COL6A3: variants seen among roughly 807,000 people sequenced by gnomAD.
COL6A3 encodes the protein collagen type VI alpha 3 chain, also known as collagen alpha-3(VI) chain.
In COL6A3, 137 loss-of-function variants were observed where a neutral mutation model predicts 274.1. The observed-to-expected ratio is 0.50, with a 90% confidence interval of 0.44 to 0.58. The LOEUF (loss-of-function observed/expected upper bound fraction) is 0.58, where lower values mean the gene tolerates loss of function less well. COL6A3 is among the 20% of genes least tolerant of loss of function. The pLI is 0.00. For synonymous variants in COL6A3, 1,650 were observed against 1,650.6 expected (o/e 1.00, Z 0.01); for missense variants, 3,950 against 4,124.9 (o/e 0.96, Z 1.16).
At chr2:237,405,417 A>T (rs1308703349) in intron 1 of COL6A3, among the ~76,000 whole-genome samples, 1 of 152,168 alleles carries the variant, frequency 6.6e-6, no homozygotes, top group East Asian at 1.9e-4. Context: ...TTATTAAAAG[A>T]TGTCAAACAC....
At chr2:237,401,138 C>T (rs914202100) in intron 1 of COL6A3, among the ~76,000 whole-genome samples, 8 of 152,278 alleles carry the variant, frequency 5.3e-5, no homozygotes, top group Non-Finnish European at 5.9e-5. Context: ...CTTTGAGCTT[C>T]AACAAAGCTA....
At chr2:237,393,904 C>T (rs77304032) in intron 3 of COL6A3, among the ~76,000 whole-genome samples, 1,845 of 152,278 alleles carry the variant, frequency 0.012, 65 homozygotes, top group Admixed American at 0.059. Flanking sequence ...TGGTTCTCAT[C>T]AACTCCATTA....
intron 36 of COL6A3, chr2:237,342,615 G>GATT: frequency 5.8e-6 from 1 of 172,974 alleles, no homozygotes. Context: ...TGGGTGCAAA[G>GATT]AGTCCTGTCT....
chr2:237,339,178 T>C, intron 38 of COL6A3, 61 bp from the exon 39 acceptor site: 1 of 1,213,144 alleles, frequency 8.2e-7, no homozygotes, highest in Admixed American at 1.7e-5. Context: ...AAATTAAAAT[T>C]AATCTGTCAA....
intron 22 of COL6A3, 49 bp downstream of exon 22, chr2:237,357,768 T>G: frequency 1.3e-6 from 2 of 1,591,094 alleles, no homozygotes; most frequent in Non-Finnish European, 1.7e-6. Context: ...AGTGTGTCCT[T>G]TCTCTTGCCC....
intron 40 of COL6A3, 57 bp downstream of exon 40, chr2:237,336,078 C>G: frequency 3.7e-6 from 6 of 1,605,348 alleles, no homozygotes; most frequent in Non-Finnish European, 5.1e-6. Flanking sequence ...AGGAACACAC[C>G]CTGGAGCAGG....
At chr2:237,349,649 G>A (rs2077165895) in intron 28 of COL6A3, among the ~76,000 whole-genome samples, 1 of 152,168 alleles carries the variant, frequency 6.6e-6, no homozygotes, top group Non-Finnish European at 1.5e-5. Flanking sequence ...CAAAATTATT[G>A]TTGGTGAGTT....
At chr2:237,355,026 T>A (rs2077288903) in intron 23 of COL6A3, 92 bp from the exon 24 acceptor site, 1 of 1,211,858 alleles carries the variant, frequency 8.3e-7, no homozygotes, top group Non-Finnish European at 1.2e-6. Context: ...CCTCTTATTC[T>A]GCGGTTACTC....
chr2:237,337,304 A>T (rs762306921), intron 39 of COL6A3, among the ~76,000 whole-genome samples: 8 of 152,194 alleles, frequency 5.3e-5, no homozygotes, highest in Non-Finnish European at 1.2e-4. Flanking sequence ...GGTTGAGCCA[A>T]TTTCAGGGAA....
chr2:237,407,639 T>C lies in COL6A3; in HGVS notation c.-31+6314A>G, dbSNP rs1461147493. ...AGAAACTCCAGATTAATTACCCAGATATTTGAAAAAATTACTTTAAAACAT... is the reference window on the plus strand; with the variant it reads ...AGAAACTCCAGATTAATTACCCAGACATTTGAAAAAATTACTTTAAAACAT... On this transcript the variant is annotated intron_variant, in intron 1 of 43. Coordinates refer to ENST00000295550, the MANE Select transcript of COL6A3 (RefSeq NM_004369.4). The surrounding 1 kb of genome is among the most constrained non-coding windows in gnomAD (Gnocchi z 4.3). Among the ~76,000 whole-genome samples, 4 of 152,256 alleles carry C rather than the reference T, an allele frequency of 2.6e-5. No individual in the cohort carries two copies. Among genetic ancestry groups the C allele is most frequent in the African/African-American group, 9.6e-5 (4 of 41,472 alleles).
At chr2:237,353,266 T>C in intron 25 of COL6A3, 75 bp downstream of exon 25, 4 of 1,447,264 alleles carry the variant, frequency 2.8e-6, no homozygotes, top group Non-Finnish European at 3.9e-6. Context: ...TTTCCGGATA[T>C]AAATGCCACC....
At position 237,350,295 on chromosome 2, in the gene COL6A3, G is replaced by T. The variant is rs1274570863; in HGVS notation, c.6817-86C>A. On this transcript the variant is annotated intron_variant, in intron 27 of 43. Coordinates refer to ENST00000295550, the MANE Select transcript of COL6A3 (RefSeq NM_004369.4). ...AAGCCATGCTTTTGCTCTAGGTAAG[G>T]GTGCTGCAACATGCTGACTTCACCT... is the stretch of plus-strand genomic sequence containing the variant. 7 of 1,273,460 alleles carry T rather than the reference G, an allele frequency of 5.5e-6. No homozygotes were observed. In the African/African-American group the frequency reaches 8.8e-5, roughly 16 times the overall value. The allele number at this position is 1,273,460 out of a possible 1,614,324, so 78.9% of individuals were successfully genotyped here. A position where few individuals can be genotyped will look rare whatever the true frequency, so the allele number is the denominator to read the frequency against.
rs929426728 is a variant in COL6A3 at position 237,360,018 on chromosome 2, G to A, written c.6282+70C>T. 26 of 1,504,530 alleles carry A rather than the reference G, an allele frequency of 1.7e-5. No homozygotes were observed. In the Middle Eastern group the frequency reaches 1.2e-3, roughly 72 times the overall value. 93.2% of individuals were successfully genotyped at this position (1,504,530 alleles called of 1,614,324 possible). ...GCCTGGACCAGCGCCTCCCTCCCTG[G>A]CAGCATCTGGAGAAACTGCGAGTCA... On this transcript the variant is annotated intron_variant, in intron 17 of 43. Transcript: ENST00000295550.
intron 1 of COL6A3, among the ~76,000 whole-genome samples, chr2:237,408,023 CTG>C (rs2078763271): frequency 6.6e-6 from 1 of 152,208 alleles, no homozygotes; most frequent in Non-Finnish European, 1.5e-5. Context: ...CTTTCCAAAA[CTG>C]TGGTGTTCCA....
chr2:237,332,925 A>G lies in COL6A3; in HGVS notation c.9328+525T>C, dbSNP rs147732776. ...CTAACTTAGCATAGACTATGCACAC[A>G]CTCTGGGGTTCAAGCACATGAGAGA... On this transcript the variant is annotated intron_variant, in intron 42 of 43. Coordinates refer to ENST00000295550, the MANE Select transcript of COL6A3 (RefSeq NM_004369.4). 10 of 187,240 alleles carry G rather than the reference A, an allele frequency of 5.3e-5. No individual in the cohort carries two copies. In the East Asian group the frequency reaches 1.2e-3, roughly 22 times the overall value. The allele number at this position is 187,240 out of a possible 1,614,324, so 11.6% of individuals were successfully genotyped here.
rs1276094090 is a variant in COL6A3, at chr2:237,344,242, T to C, written c.7668+108A>G. The stretch of plus-strand genomic sequence containing the variant: ...AGGCAGATGGCCTCATTGGGGACGT[T>C]TTAGGAGCTATGGGACATGAAGCCA... On this transcript the variant is annotated intron_variant, in intron 36 of 43. Transcript: ENST00000295550. The surrounding 1 kb of genome is among the most constrained non-coding windows in gnomAD (Gnocchi z 4.8). 3 of 1,556,304 alleles carry C rather than the reference T, an allele frequency of 1.9e-6. No homozygotes were observed. Among genetic ancestry groups the C allele is most frequent in the Non-Finnish European group, 2.6e-6 (3 of 1,133,482 alleles).
intron 27 of COL6A3, among the ~76,000 whole-genome samples, chr2:237,350,569 A>T (rs2077184600): frequency 6.6e-6 from 1 of 152,184 alleles, no homozygotes; most frequent in Non-Finnish European, 1.5e-5. Flanking sequence ...TTTTACAGAG[A>T]ACATGCAGTC....
At chr2:237,341,536 CTCTG>C (rs2076987861) in intron 37 of COL6A3, among the ~76,000 whole-genome samples, 1 of 103,272 alleles carries the variant, frequency 9.7e-6, no homozygotes, top group African/African-American at 4.2e-5. Context: ...AAGAGCAAGA[CTCTG>C]TCTAAAAAAA....
chr2:237,372,066 C>G lies in COL6A3; in HGVS notation c.3951G>C (p.Glu1317Asp). The G allele has an allele frequency of 1.2e-6, 2 of 1,614,094 alleles. No individual in the cohort carries two copies. The highest frequency in any genetic ancestry group is 2.2e-5 in the South Asian group (2 of 91,084). The part of the protein sequence containing the change: ...GRQINVGNAL[E>D]YVSRNIFKRP... ...TCTTGAAGATGTTCCTGGACACGTA[C>G]TCCAGGGCATTGCCCACGTTGATCT... The change falls in exon 9 of 44, where the codon GAG becomes GAC. Residue 1317 changes from glutamate to aspartate, a missense_variant. By Grantham distance (45) the Glu-to-Asp change is conservative (BLOSUM62 2). This residue lies in a region of COL6A3 where 1,934 missense variants were observed against 1,984.3 expected (regional missense o/e 0.97). Transcript: ENST00000295550.
Sources: allele counts gnomAD v4.1 joint callset (sites outside exome capture counted in the v4.1 genomes callset), GRCh38; gene constraint gnomAD v4.1.1; regional missense constraint gnomAD v4.1.1; non-coding constraint Gnocchi (gnomAD v3.1); transcripts MANE v1.5; gene names NCBI Gene and HGNC (gene_info 2026-07-23, HGNC 2026-07-21).